ST8SIA4: variants seen among roughly 807,000 people sequenced by gnomAD.
The protein encoded by ST8SIA4 is ST8 alpha-N-acetyl-neuraminide alpha-2,8-sialyltransferase 4.
In ST8SIA4, 15 loss-of-function variants were observed where a neutral mutation model predicts 33.9. The observed-to-expected ratio is 0.44, with a 90% CI of 0.30 to 0.68. The LOEUF (loss-of-function observed/expected upper bound fraction) is 0.68. ST8SIA4 is among the 30% of genes least tolerant of loss of function. The pLI, the probability that ST8SIA4 is intolerant of heterozygous loss-of-function variation, is 0.10. For missense variants in ST8SIA4, 321 were observed against 428.0 expected (o/e 0.75, Z 2.21); for synonymous variants, 171 against 151.2 (o/e 1.13, Z -0.96).
intron 4 of ST8SIA4, among the ~76,000 whole-genome samples, chr5:100,847,967 C>G (rs1316444327): frequency 6.6e-6 from 1 of 151,432 alleles, no homozygotes; most frequent in African/African-American, 2.4e-5. Flanking sequence ...AATAATGAAG[C>G]AAAAAAGATA....
At chr5:100,865,694 C>G (rs1752047024) in intron 3 of ST8SIA4, among the ~76,000 whole-genome samples, 1 of 151,960 alleles carries the variant, frequency 6.6e-6, no homozygotes, top group African/African-American at 2.4e-5. Flanking sequence ...CTAGTGTCAC[C>G]AAAATACAAG....
chr5:100,897,590 T>A (rs1416541781), intron 1 of ST8SIA4, among the ~76,000 whole-genome samples: 3 of 152,200 alleles, frequency 2.0e-5, no homozygotes, highest in Admixed American at 1.3e-4. Context: ...CTAGTATCAA[T>A]GGAAACATTG....
At chr5:100,901,630 A>G (rs1752918480) in intron 1 of ST8SIA4, among the ~76,000 whole-genome samples, 1 of 152,166 alleles carries the variant, frequency 6.6e-6, no homozygotes, top group Non-Finnish European at 1.5e-5. Flanking sequence ...ATGCATGACG[A>G]CCATTCCAGC....
chr5:100,855,506 T>A (rs940210038), intron 4 of ST8SIA4, among the ~76,000 whole-genome samples: 3 of 152,250 alleles, frequency 2.0e-5, no homozygotes, highest in African/African-American at 7.2e-5. Flanking sequence ...TGTGCATGAG[T>A]GAATTTGGCC....
intron 3 of ST8SIA4, among the ~76,000 whole-genome samples, chr5:100,879,204 T>C (rs532437081): frequency 6.6e-6 from 1 of 152,278 alleles, no homozygotes; most frequent in East Asian, 1.9e-4. Context: ...TATTAAGTAA[T>C]CTTTTTAAAC....
intron 1 of ST8SIA4, among the ~76,000 whole-genome samples, chr5:100,899,550 T>C (rs749840070): frequency 1.3e-5 from 2 of 152,186 alleles, no homozygotes; most frequent in African/African-American, 4.8e-5. Flanking sequence ...AAGTACATAG[T>C]CAAATTATAA....
intron 4 of ST8SIA4, among the ~76,000 whole-genome samples, chr5:100,827,590 G>A (rs553322121): frequency 6.6e-6 from 1 of 152,310 alleles, no homozygotes; most frequent in South Asian, 2.1e-4. Context: ...GTATCTCAGT[G>A]ACAGCTGCAT....
At chr5:100,841,420 G>A (rs1300833615) in intron 4 of ST8SIA4, among the ~76,000 whole-genome samples, 1 of 151,762 alleles carries the variant, frequency 6.6e-6, no homozygotes, top group Non-Finnish European at 1.5e-5. Flanking sequence ...TGACTTCTTA[G>A]AACTAAATCA....
chr5:100,863,077 T>A (rs1303158681), intron 3 of ST8SIA4, among the ~76,000 whole-genome samples: 2 of 152,212 alleles, frequency 1.3e-5, no homozygotes, highest in African/African-American at 4.8e-5. Flanking sequence ...TTTCATCTTT[T>A]CTCAGTCTTC....
chr5:100,867,706 C>A (rs1286734251), intron 3 of ST8SIA4, among the ~76,000 whole-genome samples: 1 of 151,988 alleles, frequency 6.6e-6, no homozygotes, highest in Non-Finnish European at 1.5e-5. Flanking sequence ...ATTCACTTGT[C>A]ATTCTTAGAA....
chr5:100,895,845 C>A, intron 1 of ST8SIA4, 60 bp from the exon 2 acceptor site: 1 of 1,556,350 alleles, frequency 6.4e-7, no homozygotes, highest in Non-Finnish European at 8.7e-7. Context: ...GTATACAGCA[C>A]AGTACATAAT....
intron 3 of ST8SIA4, among the ~76,000 whole-genome samples, chr5:100,862,121 T>C (rs1301473049): frequency 1.3e-5 from 2 of 152,216 alleles, no homozygotes; most frequent in African/African-American, 4.8e-5. Flanking sequence ...AATTTACTTT[T>C]GATCCCCTAG....
rs577886500 is a variant in ST8SIA4 at position 100,810,064 on chromosome 5, A to G, written c.*1783T>C. On this transcript the variant is annotated 3_prime_UTR_variant, in exon 5 of 5. Transcript: ENST00000231461. ...CCCCATGCCATTTCTTCTTTCCTCA[A>G]ATTGCCTGCCCAAGAAATAAGAAAT... 1 of 152,268 alleles carries G rather than the reference A, an allele frequency of 6.6e-6. No individual in the cohort carries two copies. The highest frequency in any genetic ancestry group is 2.1e-4 in the South Asian group (1 of 4,828). 9.4% of individuals were successfully genotyped at this position (152,268 alleles called of 1,614,324 possible).
rs374891257 is a variant in ST8SIA4 at position 100,856,293 on chromosome 5, G to C, written c.607C>G (p.Arg203Gly). ...SVVQRAFGGFRNESDREKFVH... is the reference protein window; with the variant it reads ...SVVQRAFGGFGNESDREKFVH... ...AATTTTTCTCTGTCACTCTCATTTCGAAAGCCTCCAAATGCTCTTTGTACA... is the reference window on the plus strand; with the variant it reads ...AATTTTTCTCTGTCACTCTCATTTCCAAAGCCTCCAAATGCTCTTTGTACA... The change falls in exon 4 of 5, where the codon CGA becomes GGA. Residue 203 changes from arginine (R) to glycine (G), a missense_variant. Transcript: ENST00000231461. 1.1e-5 allele frequency: 18 copies of C among 1,613,848 alleles called. No individual in the cohort carries two copies. The highest frequency in any genetic ancestry group is 1.4e-5 in the Non-Finnish European group (16 of 1,179,960).
intron 2 of ST8SIA4, chr5:100,890,627 G>A (rs1439815442): frequency 6.6e-6 from 1 of 151,690 alleles, no homozygotes; most frequent in Admixed American, 6.6e-5. Flanking sequence ...TCAAAGCAAG[G>A]GGTTGTGTTT....
At position 100,856,136 on chromosome 5, in the gene ST8SIA4, T is replaced by A; in HGVS notation, c.764A>T (p.Tyr255Phe). ...AGCATGAATAAGTCTCAATGACGGA[T>A]AGGCAGTTCGCACTTTCAGTTTATT... ...LKNKLKVRTAYPSLRLIHAVR... is the reference protein window; with the variant it reads ...LKNKLKVRTAFPSLRLIHAVR... The change falls in exon 4 of 5, where the codon TAT (tyrosine) becomes TTT (phenylalanine). Residue 255 changes from tyrosine (Y) to phenylalanine (F), a missense_variant. Transcript: ENST00000231461. The A allele has an allele frequency of 6.2e-7, 1 of 1,613,956 alleles. No individual in the cohort carries two copies. The highest frequency in any genetic ancestry group is 2.2e-5 in the East Asian group (1 of 44,888).
intron 4 of ST8SIA4, among the ~76,000 whole-genome samples, chr5:100,833,049 G>C (rs1580454153): frequency 6.6e-6 from 1 of 152,072 alleles, no homozygotes; most frequent in East Asian, 1.9e-4. Flanking sequence ...GCATTCAAAG[G>C]TGAGTCAGGC....
At position 100,809,066 on chromosome 5, in the gene ST8SIA4, C is replaced by G. The variant is rs1750751508; in HGVS notation, c.*2781G>C. The G allele has an allele frequency of 6.6e-6, 1 of 152,590 alleles. No homozygotes were observed. The highest frequency in any genetic ancestry group is 6.5e-5 in the Admixed American group (1 of 15,282). The allele number at this position is 152,590 out of a possible 1,614,324, so 9.5% of individuals were successfully genotyped here. ...GCTAAAAAGGCACTACTCAATGCAT[C>G]TATGAGATAAACATCAATGCACAGA... On this transcript the variant is annotated 3_prime_UTR_variant, in exon 5 of 5. Transcript: ENST00000231461.
chr5:100,898,940 G>C (rs1752837442), intron 1 of ST8SIA4, among the ~76,000 whole-genome samples: 1 of 152,248 alleles, frequency 6.6e-6, no homozygotes, highest in African/African-American at 2.4e-5. Flanking sequence ...TGCTTATTTG[G>C]ATCAAAGAAA....
Sources: gnomAD v4.1 joint callset for allele counts (sites outside exome capture counted in the v4.1 genomes callset) on GRCh38, gnomAD v4.1.1 for gene constraint, MANE v1.5 for transcripts, NCBI Gene and HGNC (gene_info 2026-07-23, HGNC 2026-07-21) for gene names.